The following RUFY2 variants were observed in gnomAD, a reference collection of about 807,000 sequenced individuals.
RUFY2 encodes the protein RUN and FYVE domain-containing protein 2.
A neutral mutation model predicts 94.4 loss-of-function variants in RUFY2; 49 were observed. The observed-to-expected ratio is 0.52, with a 90% CI of 0.41 to 0.66. RUFY2 has a LOEUF of 0.66. Ranked by LOEUF, RUFY2 falls within the 30% of genes least tolerant of loss-of-function variation. RUFY2 has a pLI of 0.00. For synonymous variants in RUFY2, 255 were observed against 235.7 expected (o/e 1.08, Z -0.75); for missense variants, 541 against 692.8 (o/e 0.78, Z 2.46).
At chr10:68,364,982 G>A (rs1310265702) in intron 13 of RUFY2, among the ~76,000 whole-genome samples, 3 of 151,436 alleles carry the variant, frequency 2.0e-5, no homozygotes, top group Non-Finnish European at 2.9e-5. Flanking sequence ...TATAACAAGT[G>A]AGGCATTTAT....
intron 15 of RUFY2, among the ~76,000 whole-genome samples, chr10:68,357,232 TG>T: frequency 6.6e-6 from 1 of 151,770 alleles, no homozygotes; most frequent in Non-Finnish European, 1.5e-5. Flanking sequence ...GGTATAACTT[TG>T]TTTTTTTTTT....
intron 13 of RUFY2, among the ~76,000 whole-genome samples, chr10:68,366,757 T>C (rs1361981268): frequency 3.0e-5 from 4 of 135,514 alleles, no homozygotes; most frequent in South Asian, 2.4e-4. Context: ...TATATATATA[T>C]ATAATATTAA....
chr10:68,363,461 T>C, intron 15 of RUFY2, 129 bp downstream of exon 15: 1 of 573,570 alleles, frequency 1.7e-6, no homozygotes, highest in Non-Finnish European at 2.9e-6. Flanking sequence ...ATTACAGGCG[T>C]GAACCACCGC....
chr10:68,380,104 G>A lies in RUFY2; in HGVS notation c.1108-583C>T, dbSNP rs1041696309. On this transcript the variant is annotated intron_variant, in intron 11 of 17. Transcript: ENST00000602465. ...ATTACAGGCATGAGCCACCGCACAC[G>A]GCCCTTTTTTTTTTTTTTTAAGATG... 4.7e-5 allele frequency among the ~76,000 whole-genome samples: 7 copies of A among 149,246 alleles called. No homozygotes were observed. In the East Asian group the frequency reaches 7.9e-4, roughly 17 times the overall value.
intron 15 of RUFY2, 79 bp downstream of exon 15, chr10:68,363,511 C>T: frequency 1.1e-6 from 1 of 902,546 alleles, no homozygotes; most frequent in Non-Finnish European, 1.7e-6. Flanking sequence ...TTAAACTCTT[C>T]TGCCTAATAG....
chr10:68,389,188 T>G (rs1332850835), intron 7 of RUFY2, among the ~76,000 whole-genome samples: 1 of 152,158 alleles, frequency 6.6e-6, no homozygotes, highest in African/African-American at 2.4e-5. Context: ...CATGCGCCAC[T>G]GAGCCCGGTG....
At chr10:68,351,636 G>A (rs2046682917) in intron 16 of RUFY2, among the ~76,000 whole-genome samples, 1 of 150,524 alleles carries the variant, frequency 6.6e-6, no homozygotes, top group Non-Finnish European at 1.5e-5. Flanking sequence ...TTTTAGTAGA[G>A]GCGGGGTTTC....
chr10:68,378,954 A>C (rs1337703082), intron 12 of RUFY2, among the ~76,000 whole-genome samples: 1 of 152,222 alleles, frequency 6.6e-6, no homozygotes, highest in Non-Finnish European at 1.5e-5. Flanking sequence ...AATTCAATTT[A>C]AACAAAATTA....
intron 15 of RUFY2, among the ~76,000 whole-genome samples, chr10:68,361,905 A>C (rs2047483759): frequency 6.6e-6 from 1 of 152,234 alleles, no homozygotes; most frequent in Admixed American, 6.5e-5. Flanking sequence ...GAAGGGAAGT[A>C]CTTGCTTTTT....
In RUFY2 at chr10:68,377,329, G is replaced by GA. The variant is rs1373782227; in HGVS notation, c.1206-358dup. 5 of 1,083,368 alleles carry GA rather than the reference G, an allele frequency of 4.6e-6. No homozygotes were observed. The African/African-American group carries it at 8.6e-5, about 19-fold the overall frequency. The allele number at this position is 1,083,368 out of a possible 1,614,324, so 67.1% of individuals were successfully genotyped here. ...TGTTACTACCTTTTTACAAAACCAT[G>GA]AAAAGCAAAGGATTTATGCCTACAC... is the stretch of plus-strand genomic sequence containing the variant. On this transcript the variant is annotated intron_variant, in intron 12 of 17. Transcript: ENST00000602465.
chr10:68,396,006 T>C (rs904292137), intron 4 of RUFY2, among the ~76,000 whole-genome samples: 1 of 152,216 alleles, frequency 6.6e-6, no homozygotes, highest in Admixed American at 6.5e-5. Flanking sequence ...TCGTTTTATT[T>C]TATTTTTTTG....
In RUFY2 at chr10:68,393,275, C is replaced by T; in HGVS notation, c.585-72G>A. On this transcript the variant is annotated intron_variant, in intron 6 of 17. Coordinates refer to ENST00000602465, the MANE Select transcript of RUFY2 (RefSeq NM_001330103.2). The stretch of plus-strand genomic sequence containing the variant: ...TTAAGCACAAAAAAATCTAAATCAT[C>T]TAAAATTATTATAAAACTAAAATAA... 7 of 713,668 alleles carry T rather than the reference C, an allele frequency of 9.8e-6. No homozygotes were observed. In the South Asian group the frequency reaches 1.0e-4, roughly 10 times the overall value. The allele number at this position is 713,668 out of a possible 1,614,324, so 44.2% of individuals were successfully genotyped here. A position where few individuals can be genotyped will look rare whatever the true frequency, so the allele number is the denominator to read the frequency against.
At chr10:68,347,333 G>C (rs1008120459) in intron 16 of RUFY2, among the ~76,000 whole-genome samples, 1 of 119,758 alleles carries the variant, frequency 8.4e-6, no homozygotes, top group African/African-American at 3.2e-5. Flanking sequence ...CGCCCAGGCT[G>C]TAGTGCAGTG....
intron 11 of RUFY2, 97 bp from the exon 12 acceptor site, chr10:68,379,618 T>A: frequency 1.3e-6 from 1 of 787,546 alleles, no homozygotes; most frequent in Non-Finnish European, 2.0e-6. Context: ...GGTATCACTA[T>A]GCAGCCCAGG....
chr10:68,368,458 A>G (rs2048021350), intron 13 of RUFY2, among the ~76,000 whole-genome samples: 1 of 150,622 alleles, frequency 6.6e-6, no homozygotes, highest in African/African-American at 2.5e-5. Flanking sequence ...TCGGGAGTTC[A>G]AGACCAGCCT....
At chr10:68,365,070 G>A (rs2047712181) in intron 13 of RUFY2, among the ~76,000 whole-genome samples, 1 of 151,858 alleles carries the variant, frequency 6.6e-6, no homozygotes, top group Non-Finnish European at 1.5e-5. Flanking sequence ...ATTTTAATAT[G>A]TTTGTGTTAA....
At chr10:68,353,359 G>C (rs533262109) in intron 16 of RUFY2, among the ~76,000 whole-genome samples, 2 of 149,928 alleles carry the variant, frequency 1.3e-5, no homozygotes, top group Non-Finnish European at 3.0e-5. Context: ...TGAGCTAGGC[G>C]TGGGGGCAGG....
In RUFY2 at chr10:68,396,658, T is replaced by C. The variant is rs756040147; in HGVS notation, c.398+122A>G. The stretch of plus-strand genomic sequence containing the variant: ...TTTTTCTGTCTCATTTTGCTCCTCC[T>C]CTTATTTTATATCATTTTATTATAT... On this transcript the variant is annotated intron_variant, in intron 4 of 17. Transcript: ENST00000602465. 3 of 586,894 alleles carry C rather than the reference T, an allele frequency of 5.1e-6. No individual in the cohort carries two copies. In the South Asian group the frequency reaches 8.5e-5, roughly 17 times the overall value. The allele number at this position is 586,894 out of a possible 1,614,324, so 36.4% of individuals were successfully genotyped here.
chr10:68,357,091 C>T (rs1044754656), intron 15 of RUFY2, among the ~76,000 whole-genome samples: 13 of 151,260 alleles, frequency 8.6e-5, no homozygotes, highest in Admixed American at 4.6e-4. Context: ...TCACTTGAAC[C>T]GGGGAAGCAG....
Sources: gnomAD v4.1 joint callset for allele counts (sites outside exome capture counted in the v4.1 genomes callset) on GRCh38, gnomAD v4.1.1 for gene constraint, MANE v1.5 for transcripts, NCBI Gene and HGNC (gene_info 2026-07-23, HGNC 2026-07-21) for gene names.